Variants in CECR2 observed in about 807,000 individuals in gnomAD.
CECR2 encodes chromatin remodeling regulator CECR2.
Under a neutral mutation model 154.5 loss-of-function variants are expected in CECR2, and 30 were observed. The observed-to-expected ratio is 0.19, with a 90% CI of 0.15 to 0.26. The LOEUF is 0.26. Among genes scored for constraint, CECR2 ranks in the 10% least tolerant of loss-of-function variants. The pLI is 1.00. For missense variants in CECR2, 1,743 were observed against 1,829.3 expected (o/e 0.95, Z 0.86); for synonymous variants, 725 against 683.7 (o/e 1.06, Z -0.94).
chr22:17,549,866 T>C (rs2056682139), intron 17 of CECR2, among the ~76,000 whole-genome samples: 1 of 142,244 alleles, frequency 7.0e-6, no homozygotes, highest in Non-Finnish European at 1.5e-5. Flanking sequence ...GCGCAAGTCA[T>C]CCTCCTGCCT....
chr22:17,395,239 G>T (rs2053790068), intron 1 of CECR2, among the ~76,000 whole-genome samples: 1 of 152,132 alleles, frequency 6.6e-6, no homozygotes, highest in Non-Finnish European at 1.5e-5. Flanking sequence ...TATTTCCCAG[G>T]CTGGTTTCAA....
chr22:17,536,130 C>T (rs953266958), intron 9 of CECR2, among the ~76,000 whole-genome samples: 1 of 152,124 alleles, frequency 6.6e-6, no homozygotes, highest in African/African-American at 2.4e-5. Flanking sequence ...TGCCTGTAAT[C>T]CCAGCTACTC....
At chr22:17,496,019 A>T (rs2146864833) in intron 2 of CECR2, among the ~76,000 whole-genome samples, 1 of 152,338 alleles carries the variant, frequency 6.6e-6, no homozygotes, top group Non-Finnish European at 1.5e-5. Context: ...GGGAAAAAAT[A>T]TATTTAACAC....
At chr22:17,383,619 C>G (rs1461017389) in intron 1 of CECR2, among the ~76,000 whole-genome samples, 1 of 149,576 alleles carries the variant, frequency 6.7e-6, no homozygotes, top group Admixed American at 6.7e-5. Flanking sequence ...CCAGTTTCAT[C>G]ATGAGGTTGC....
rs968266683 is a variant in CECR2 at position 17,537,469 on chromosome 22, T to G, written c.1238+237T>G. Among the ~76,000 whole-genome samples the G allele has an allele frequency of 2.7e-4, 41 of 152,342 alleles. 1 individual carries two copies. Among genetic ancestry groups the G allele is most frequent in the African/African-American group, 9.6e-4 (40 of 41,580 alleles). On this transcript the variant is annotated intron_variant, in intron 10 of 18. Coordinates refer to ENST00000262608, the MANE Select transcript of CECR2 (RefSeq NM_001290047.2). ...AGCTCTTCTTTCTTCATCCCCTCAA[T>G]TTAATGAAATCAGAATCTGATTATT... is the stretch of plus-strand genomic sequence containing the variant.
chr22:17,539,876 C>T (rs1313841575), intron 13 of CECR2, among the ~76,000 whole-genome samples: 1 of 152,062 alleles, frequency 6.6e-6, no homozygotes, highest in Non-Finnish European at 1.5e-5. Flanking sequence ...CTCTGTCACC[C>T]AAGCAGGAGT....
At chr22:17,535,650 A>G (rs8135661) in intron 9 of CECR2, among the ~76,000 whole-genome samples, 3,122 of 151,534 alleles carry the variant, frequency 0.021, 102 homozygotes, top group African/African-American at 0.073. Flanking sequence ...ATTAATTTAC[A>G]GTTTTCTTTA....
chr22:17,552,146 A>C lies in CECR2; in HGVS notation c.4389+4A>C. ...TCCAACACTTCCCCTGGATCAGGTA[A>C]GGATCACTAAAAATTAGAGCTGTTC... On this transcript the variant is annotated splice_donor_region_variant and intron_variant, in intron 18 of 18. Coordinates refer to ENST00000262608, the MANE Select transcript of CECR2 (RefSeq NM_001290047.2). 6.2e-7 allele frequency: 1 copy of C among 1,612,286 alleles called. No homozygotes were observed. The highest frequency in any genetic ancestry group is 8.5e-7 in the Non-Finnish European group (1 of 1,178,340).
At chr22:17,401,395 C>T (rs376787427) in intron 1 of CECR2, among the ~76,000 whole-genome samples, 4 of 152,194 alleles carry the variant, frequency 2.6e-5, no homozygotes, top group African/African-American at 9.7e-5. Context: ...ACCATTACCA[C>T]GTCAAGACGA....
chr22:17,452,380 T>C (rs1016288175), intron 1 of CECR2, among the ~76,000 whole-genome samples: 1 of 152,222 alleles, frequency 6.6e-6, no homozygotes, highest in Non-Finnish European at 1.5e-5. Context: ...GGCTGAATTT[T>C]ATTCTGAGTA....
At chr22:17,391,203 A>G (rs931763896) in intron 1 of CECR2, among the ~76,000 whole-genome samples, 8 of 152,186 alleles carry the variant, frequency 5.3e-5, no homozygotes, top group Non-Finnish European at 1.2e-4. Context: ...CATCCAGTAA[A>G]CAGTTCACAC....
At chr22:17,383,657 CTTTTTT>C (rs57665657) in intron 1 of CECR2, among the ~76,000 whole-genome samples, 10 of 104,278 alleles carry the variant, frequency 9.6e-5, no homozygotes, top group African/African-American at 1.6e-4. Context: ...TTCAGGTCCA[CTTTTTT>C]TTTTTTTTTT....
At chr22:17,477,786 G>A in intron 2 of CECR2, 104 bp downstream of exon 2, 2 of 806,822 alleles carry the variant, frequency 2.5e-6, no homozygotes, top group African/African-American at 1.7e-5. Context: ...CGATCATTAG[G>A]CATCACGGGA....
intron 7 of CECR2, among the ~76,000 whole-genome samples, chr22:17,510,893 C>T (rs746995877): frequency 2.0e-5 from 3 of 152,180 alleles, no homozygotes; most frequent in South Asian, 2.1e-4. Flanking sequence ...GCGTGAGCCA[C>T]CCCACCCAGC....
intron 1 of CECR2, among the ~76,000 whole-genome samples, chr22:17,384,739 C>A (rs946977701): frequency 1.3e-5 from 2 of 152,178 alleles, no homozygotes; most frequent in Non-Finnish European, 2.9e-5. Context: ...TGAGCACTGG[C>A]TTCCAGTAAG....
chr22:17,475,642 T>C (rs1487306131), intron 1 of CECR2, among the ~76,000 whole-genome samples: 3 of 152,150 alleles, frequency 2.0e-5, no homozygotes, highest in African/African-American at 7.2e-5. Flanking sequence ...ATCTGTAGTT[T>C]CATTTCCGGC....
chr22:17,553,059 T>C lies in CECR2; in HGVS notation c.*219T>C, dbSNP rs546644563. 1.2e-5 allele frequency: 13 copies of C among 1,114,258 alleles called. No homozygotes were observed. The African/African-American group carries it at 1.6e-4, about 14-fold the overall frequency. 69.0% of individuals were successfully genotyped at this position (1,114,258 alleles called of 1,614,324 possible). On this transcript the variant is annotated 3_prime_UTR_variant, in exon 19 of 19. Transcript: ENST00000262608. ...TTGCAAAGGTCCTCGGCCAGGGATC[T>C]CTTGCACAGCTGATGTAGACAGTCA...
At chr22:17,367,573 G>A (rs1468328416), upstream of CECR2, among the ~76,000 whole-genome samples, 3 of 152,200 alleles carry the variant, frequency 2.0e-5, no homozygotes, top group Non-Finnish European at 2.9e-5. Flanking sequence ...TTTTAGTAGA[G>A]ACGAGGTTTC....
chr22:17,439,379 G>A (rs1249188395), intron 1 of CECR2, among the ~76,000 whole-genome samples: 1 of 151,928 alleles, frequency 6.6e-6, no homozygotes, highest in Non-Finnish European at 1.5e-5. Flanking sequence ...CTAACCTCCT[G>A]TTCTAAGGCA....
Sources: gnomAD v4.1 joint callset for allele counts (sites outside exome capture counted in the v4.1 genomes callset) on GRCh38, gnomAD v4.1.1 for gene constraint, MANE v1.5 for transcripts, NCBI Gene and HGNC (gene_info 2026-07-23, HGNC 2026-07-21) for gene names.